The following CHD6 variants were observed in gnomAD, a reference collection of about 807,000 sequenced individuals.
CHD6 encodes the protein chromodomain helicase DNA binding protein 6, also known as ATP-dependent chromatin remodeler CHD6.
CHD6 carries 50 observed loss-of-function variants against 276.9 expected under a neutral mutation model. The observed-to-expected ratio is 0.18, with a 90% CI of 0.14 to 0.23. The LOEUF (loss-of-function observed/expected upper bound fraction) is 0.23. Ranked by LOEUF, CHD6 falls within the 10% of genes least tolerant of loss-of-function variation. CHD6 has a pLI of 1.00. For synonymous variants in CHD6, 1,173 were observed against 1,229.3 expected, an observed-to-expected ratio of 0.95 and a Z score of 0.96; for missense variants, 2,564 against 3,365.8, an observed-to-expected ratio of 0.76 and a Z score of 5.89.
chr20:41,533,344 C>T lies in CHD6; in HGVS notation c.260G>A (p.Gly87Glu). ...TTTCTTCTTCACTCCAGTACCTCCTCCTCCACTGTCCTCCATCCCATTATG... is the reference window on the plus strand; with the variant it reads ...TTTCTTCTTCACTCCAGTACCTCCTTCTCCACTGTCCTCCATCCCATTATG... ...TSHNGMEDSG[G>E]GGTGVKKKRK... Residue 87 changes from glycine (G) to glutamate (E), a missense_variant, in exon 3 of 37, where the codon GGA becomes GAA. By Grantham distance (98) the Gly-to-Glu change is moderately conservative. This residue lies in a region of CHD6 where 286 missense variants were observed against 297.8 expected (regional missense o/e 0.96). Coordinates refer to ENST00000373233, the MANE Select transcript of CHD6 (RefSeq NM_032221.5). The T allele has an allele frequency of 6.2e-7, 1 of 1,614,126 alleles. No individual in the cohort carries two copies. Among genetic ancestry groups the T allele is most frequent in the East Asian group, 2.2e-5 (1 of 44,862 alleles).
Position 41,438,419 on chromosome 20 carries a change from G to C in CHD6, c.4008-1085C>G, listed in dbSNP as rs538522377. Among the ~76,000 whole-genome samples, 10 of 151,952 alleles carry C rather than the reference G, an allele frequency of 6.6e-5. No individual in the cohort carries two copies. The East Asian group carries it at 1.9e-3, about 29-fold the overall frequency. ...AGCCTGGCCAACATGGTGAAACCCC[G>C]TCTCTACTAAAAATACAAAAATTAG... On this transcript the variant is annotated intron_variant, in intron 26 of 36. Transcript: ENST00000373233.
chr20:41,561,796 A>T (rs1485628179), intron 1 of CHD6, among the ~76,000 whole-genome samples: 2 of 152,094 alleles, frequency 1.3e-5, no homozygotes, highest in Non-Finnish European at 2.9e-5. Flanking sequence ...TATTCCTTCC[A>T]CCACTTATTT....
At chr20:41,565,840 GATGAA>G (rs1324417988) in intron 1 of CHD6, among the ~76,000 whole-genome samples, 4 of 152,200 alleles carry the variant, frequency 2.6e-5, no homozygotes, top group African/African-American at 4.8e-5. Flanking sequence ...CAGCAGTAAA[GATGAA>G]ATGAAATTAA....
chr20:41,488,315 T>C, intron 13 of CHD6, 113 bp downstream of exon 13: 2 of 1,019,856 alleles, frequency 2.0e-6, no homozygotes, highest in Non-Finnish European at 2.9e-6. Flanking sequence ...AAAAAGAAAA[T>C]CTAATGTAAA....
chr20:41,456,611 G>A (rs1369936450), intron 18 of CHD6, among the ~76,000 whole-genome samples: 3 of 152,166 alleles, frequency 2.0e-5, no homozygotes, highest in Admixed American at 1.3e-4. Flanking sequence ...GCATAGCTAA[G>A]AGGATATGGA....
intron 1 of CHD6, among the ~76,000 whole-genome samples, chr20:41,581,290 A>G (rs750538321): frequency 1.3e-5 from 2 of 152,224 alleles, no homozygotes; most frequent in Non-Finnish European, 2.9e-5. Context: ...AACAGATCTA[A>G]TAAGTAGCTA....
rs374406009 is a variant in CHD6, at chr20:41,608,906, A to G, written c.-24+9434T>C. On this transcript the variant is annotated intron_variant, in intron 1 of 36. Coordinates refer to ENST00000373233, the MANE Select transcript of CHD6 (RefSeq NM_032221.5). ...GAACACACAGGGAGAGCTCTGCTAC[A>G]TGAAATGCTGCAGACACAAAGTGCA... Among the ~76,000 whole-genome samples, 126 of 152,370 alleles carry G rather than the reference A, an allele frequency of 8.3e-4. 1 individual carries two copies. Among genetic ancestry groups the G allele is most frequent in the African/African-American group, 2.9e-3 (121 of 41,592 alleles).
At position 41,405,402 on chromosome 20, in the gene CHD6, G is replaced by A. The variant is rs143811765; in HGVS notation, c.7339C>T (p.Arg2447Trp). ...GAAGGAGCCTTCAGGAGTTCGCTCCGAGGCCGCCTCCCCCTCCTGCGGGGG... is the reference window on the plus strand; with the variant it reads ...GAAGGAGCCTTCAGGAGTTCGCTCCAAGGCCGCCTCCCCCTCCTGCGGGGG... ...TGPRRRGRRPRSELLKAPSIV... is the reference protein window; with the variant it reads ...TGPRRRGRRPWSELLKAPSIV... The change falls in exon 37 of 37, where the codon CGG becomes TGG. Residue 2447 changes from arginine (R) to tryptophan (W), a missense_variant. Physicochemically the swap from Arg to Trp is moderately radical, Grantham distance 101. Transcript: ENST00000373233. 7 of 1,613,510 alleles carry A rather than the reference G, an allele frequency of 4.3e-6. No homozygotes were observed. The highest frequency in any genetic ancestry group is 1.3e-5 in the African/African-American group (1 of 74,918).
At position 41,473,216 on chromosome 20, in the gene CHD6, A is replaced by G. The variant is rs2043095745; in HGVS notation, c.2664+106T>C. ...GCCCTAAGCCTGTCATCCAGCTGAC[A>G]CCATAGCATAGAGCATCACGGATGC... On this transcript the variant is annotated intron_variant, in intron 17 of 36. Coordinates refer to ENST00000373233, the MANE Select transcript of CHD6 (RefSeq NM_032221.5). This position sits in a 1 kb window ranked among gnomAD's most constrained non-coding sequence, Gnocchi z 4.1. 2 of 1,046,000 alleles carry G rather than the reference A, an allele frequency of 1.9e-6. No individual in the cohort carries two copies. Among genetic ancestry groups the G allele is most frequent in the Non-Finnish European group, 2.8e-6 (2 of 721,670 alleles). 64.8% of individuals were successfully genotyped at this position (1,046,000 alleles called of 1,614,324 possible).
chr20:41,509,224 A>G (rs1054780270), intron 5 of CHD6, among the ~76,000 whole-genome samples: 5 of 152,166 alleles, frequency 3.3e-5, no homozygotes, highest in African/African-American at 7.2e-5. Flanking sequence ...AATAATAATT[A>G]TAATAGTGAA....
intron 1 of CHD6, among the ~76,000 whole-genome samples, chr20:41,560,241 A>G (rs374532172): frequency 2.0e-5 from 3 of 152,144 alleles, no homozygotes; most frequent in African/African-American, 7.2e-5. Context: ...AAATAAAAAC[A>G]TATTCCTCAT....
At chr20:41,543,138 T>C (rs1384424967) in intron 2 of CHD6, among the ~76,000 whole-genome samples, 1 of 150,358 alleles carries the variant, frequency 6.7e-6, no homozygotes. Flanking sequence ...ATAATAATAA[T>C]AGTTAATTTT....
chr20:41,487,871 G>A (rs1322565219), intron 13 of CHD6, 63 bp from the exon 14 acceptor site: 20 of 1,552,572 alleles, frequency 1.3e-5, no homozygotes, highest in Non-Finnish European at 1.6e-5. Flanking sequence ...CATTTTCGTG[G>A]GGAAAATTAA....
intron 1 of CHD6, among the ~76,000 whole-genome samples, chr20:41,561,241 GTTA>G (rs2045298417): frequency 6.6e-6 from 1 of 152,110 alleles, no homozygotes; most frequent in Non-Finnish European, 1.5e-5. Context: ...TCCCAATATA[GTTA>G]TTATCACCCT....
In CHD6 at chr20:41,412,204, A is replaced by T. The variant is rs370307938; in HGVS notation, c.7191T>A (p.Asp2397Glu). 4 of 1,614,230 alleles carry T rather than the reference A, an allele frequency of 2.5e-6. No homozygotes were observed. The Admixed American group carries it at 5.0e-5, about 20-fold the overall frequency. Reference protein sequence around the residue: ...RPRCKEPGKLDVSSLSGEERV... With the variant: ...RPRCKEPGKLEVSSLSGEERV... Reference sequence around the variant, plus strand: ...TCTCTTCCCCGCTCAGGGAGCTGACATCTAATTTTCCAGGTTCTTTACAGC... The same window carrying T: ...TCTCTTCCCCGCTCAGGGAGCTGACTTCTAATTTTCCAGGTTCTTTACAGC... Residue 2397 changes from aspartate to glutamate, a missense_variant, in exon 36 of 37, where the codon GAT (aspartate) becomes GAA (glutamate). Asp to Glu is a conservative substitution (Grantham distance 45, BLOSUM62 2). Around this residue, in one of 7 missense-constraint regions of CHD6, gnomAD observed 1,024 missense variants for 1,047.9 expected, o/e 0.98. Transcript: ENST00000373233.
chr20:41,426,313 C>T (rs1290277618), intron 27 of CHD6, among the ~76,000 whole-genome samples, 160 bp from the exon 28 acceptor site: 1 of 152,118 alleles, frequency 6.6e-6, no homozygotes, highest in African/African-American at 2.4e-5. Flanking sequence ...TACTTCTGTA[C>T]AATCTTAAAA....
At chr20:41,412,613 C>T (rs1021083043) in intron 35 of CHD6, among the ~76,000 whole-genome samples, 4 of 152,200 alleles carry the variant, frequency 2.6e-5, no homozygotes, top group Non-Finnish European at 5.9e-5. Context: ...TGGCTGGTTT[C>T]GCCTGTCTCT....
At chr20:41,555,052 T>C (rs1269133767) in intron 1 of CHD6, among the ~76,000 whole-genome samples, 69 of 109,266 alleles carry the variant, frequency 6.3e-4, no homozygotes, top group African/African-American at 2.2e-3. Context: ...GCTGGCCGGG[T>C]GGGGGGCTGA....
intron 25 of CHD6, among the ~76,000 whole-genome samples, chr20:41,440,757 G>A (rs1569080744): frequency 1.3e-5 from 2 of 152,154 alleles, no homozygotes; most frequent in Non-Finnish European, 2.9e-5. Flanking sequence ...CCCTGATTTT[G>A]TTTGATAAAG....
Sources: gnomAD v4.1 joint callset for allele counts (sites outside exome capture counted in the v4.1 genomes callset) on GRCh38, gnomAD v4.1.1 for gene constraint, gnomAD v4.1.1 regional missense constraint, Gnocchi (gnomAD v3.1) non-coding constraint, MANE v1.5 for transcripts, NCBI Gene and HGNC (gene_info 2026-07-23, HGNC 2026-07-21) for gene names.